ANXA8: variants seen among roughly 807,000 people sequenced by gnomAD.
ANXA8 encodes the protein VAC-beta.
A neutral mutation model predicts 26.8 loss-of-function variants in ANXA8; 9 were observed. That is an observed-to-expected ratio of 0.34 (90% confidence interval 0.20 to 0.59). The LOEUF is 0.59. Ranked by LOEUF, ANXA8 falls within the 20% of genes least tolerant of loss-of-function variation. The probability of loss-of-function intolerance (pLI) is 0.84; values close to 1 mark genes in which losing one functional copy is unlikely to be tolerated. For synonymous variants in ANXA8, 39 were observed against 94.8 expected (o/e 0.41, Z 3.42); for missense variants, 83 against 238.5 (o/e 0.35, Z 4.29).
At chr10:47,968,080 AT>A in the ANXA8 span, among the ~76,000 whole-genome samples, 1 of 149,954 alleles carries the variant, frequency 6.7e-6, no homozygotes, top group Non-Finnish European at 1.5e-5. Context: ...AGTCCTCGAG[AT>A]TTTTGCCCAT....
the ANXA8 span, among the ~76,000 whole-genome samples, chr10:47,509,132 C>A: frequency 7.7e-6 from 1 of 129,998 alleles, no homozygotes; most frequent in Non-Finnish European, 1.5e-5. Flanking sequence ...GAAAAAAGCA[C>A]AAAATTAGTT....
At chr10:47,646,083 A>G in the ANXA8 span, among the ~76,000 whole-genome samples, 1 of 149,470 alleles carries the variant, frequency 6.7e-6, no homozygotes, top group Non-Finnish European at 1.5e-5. Flanking sequence ...AAGTATCTGT[A>G]TCTCTGTGTC....
the ANXA8 span, among the ~76,000 whole-genome samples, chr10:47,982,230 C>A: frequency 1.3e-5 from 2 of 149,192 alleles, no homozygotes. Context: ...GTCTATGATG[C>A]AGTGACCTAT....
chr10:47,892,414 C>A, the ANXA8 span, among the ~76,000 whole-genome samples: 3 of 111,296 alleles, frequency 2.7e-5, no homozygotes, highest in South Asian at 4.2e-4. Context: ...AAAAGGTTGC[C>A]AAAGCTACTC....
At chr10:47,591,089 TTAACAG>T in the ANXA8 span, among the ~76,000 whole-genome samples, 1 of 144,554 alleles carries the variant, frequency 6.9e-6, no homozygotes, top group Non-Finnish European at 1.5e-5. Flanking sequence ...CCTACCTTGA[TTAACAG>T]TAACTCTAAT....
chr10:47,673,997 G>T, the ANXA8 span, among the ~76,000 whole-genome samples: 4 of 151,332 alleles, frequency 2.6e-5, no homozygotes, highest in Non-Finnish European at 5.9e-5. Context: ...TCTTGTTTTT[G>T]ATGACTGACA....
the ANXA8 span, among the ~76,000 whole-genome samples, chr10:47,607,583 A>G: frequency 8.4e-6 from 1 of 119,240 alleles, no homozygotes; most frequent in African/African-American, 3.6e-5. Flanking sequence ...TATATTAGTA[A>G]AAAAGTCTAA....
chr10:47,896,222 C>T, the ANXA8 span, among the ~76,000 whole-genome samples: 1 of 148,454 alleles, frequency 6.7e-6, no homozygotes, highest in Non-Finnish European at 1.5e-5. Context: ...GCTGCCATCT[C>T]TCTTGCCTAA....
At chr10:47,674,884 A>G in the ANXA8 span, among the ~76,000 whole-genome samples, 353 of 151,816 alleles carry the variant, frequency 2.3e-3, 2 homozygotes, top group African/African-American at 8.1e-3. Context: ...CACTGTCAGT[A>G]TATGTGTGTA....
chr10:47,484,118 C>T (rs1366310413), upstream of ANXA8: 2 of 1,502,178 alleles, frequency 1.3e-6, no homozygotes, highest in East Asian at 2.3e-5. Context: ...CGGGCTCTGC[C>T]TGGCTTTGGG....
the ANXA8 span, among the ~76,000 whole-genome samples, chr10:47,778,649 A>G: frequency 4.6e-5 from 7 of 151,864 alleles, no homozygotes; most frequent in Non-Finnish European, 1.5e-5. Flanking sequence ...ATTCTAAAGG[A>G]ATATTATTAT....
chr10:47,674,255 CT>C, the ANXA8 span, among the ~76,000 whole-genome samples: 1 of 150,744 alleles, frequency 6.6e-6, no homozygotes, highest in East Asian at 1.9e-4. Context: ...CCTTAGCTTC[CT>C]GAGTAGCTGG....
the ANXA8 span, chr10:47,510,309 G>A: frequency 4.7e-6 from 5 of 1,064,938 alleles, 1 homozygote; most frequent in South Asian, 5.0e-5. Flanking sequence ...ACTTATCAAA[G>A]TGTATTTTTT....
the ANXA8 span, chr10:47,538,518 G>A: frequency 7.2e-6 from 1 of 139,548 alleles, no homozygotes; most frequent in Non-Finnish European, 1.5e-5. Flanking sequence ...GTCTCTTGGT[G>A]TGTCACCCAG....
chr10:47,498,150 T>C, the ANXA8 span, among the ~76,000 whole-genome samples: 1 of 150,280 alleles, frequency 6.7e-6, no homozygotes, highest in Admixed American at 6.7e-5. Flanking sequence ...CAACTTCCCA[T>C]TTTCTCCCTT....
At chr10:47,484,587 C>A, upstream of ANXA8, 14 of 1,205,462 alleles carry the variant, frequency 1.2e-5, no homozygotes, top group Non-Finnish European at 1.5e-5. Flanking sequence ...AGCTCCATCA[C>A]CCCCCAGGCT....
At chr10:47,623,219 G>GA in the ANXA8 span, among the ~76,000 whole-genome samples, 31 of 107,830 alleles carry the variant, frequency 2.9e-4, 3 homozygotes, top group Admixed American at 2.0e-4. Context: ...AATAAAAACA[G>GA]AAAAAAAGAG....
At chr10:47,553,360 G>A in the ANXA8 span, 2 of 153,004 alleles carry the variant, frequency 1.3e-5, no homozygotes, top group African/African-American at 2.4e-5. Flanking sequence ...CCGCTCCTCG[G>A]GAGCAAAGAT....
chr10:47,580,441 A>C, the ANXA8 span, among the ~76,000 whole-genome samples: 1 of 151,258 alleles, frequency 6.6e-6, no homozygotes, highest in Non-Finnish European at 1.5e-5. Flanking sequence ...TAAAAGGTCA[A>C]AATTATATGA....
Sources: gnomAD v4.1 joint callset for allele counts (sites outside exome capture counted in the v4.1 genomes callset) on GRCh38, gnomAD v4.1.1 for gene constraint, MANE v1.5 for transcripts, NCBI Gene and HGNC (gene_info 2026-07-23, HGNC 2026-07-21) for gene names.